Variants in SOX6 observed in about 807,000 individuals in gnomAD.
SOX6 encodes transcription factor SOX-6.
SOX6 carries 11 observed loss-of-function variants against 97.8 expected under a neutral mutation model. That is an observed-to-expected ratio of 0.11 (90% CI 0.07 to 0.19). SOX6 has a LOEUF of 0.19. Among genes scored for constraint, SOX6 ranks in the 10% least tolerant of loss-of-function variants. SOX6 has a pLI of 1.00. For synonymous variants in SOX6, 360 were observed against 371.4 expected, an observed-to-expected ratio of 0.97 and a Z score of 0.35; for missense variants, 810 against 1,039.5, an observed-to-expected ratio of 0.78 and a Z score of 3.04.
Position 16,637,535 on chromosome 11 carries a change from A to T in SOX6, n.430-25275T>A, listed in dbSNP as rs188676922. ...CACCCAGCTTTTCAATAGTTTCAAA[A>T]TAAATTTATTAAACTATAAATTTCC... On this transcript the variant is annotated intron_variant and non_coding_transcript_variant, in intron 3 of 5. Transcript: ENST00000524520. 1.6e-3 allele frequency among the ~76,000 whole-genome samples: 245 copies of T among 152,302 alleles called. 1 individual carries two copies. Among genetic ancestry groups the T allele is most frequent in the Non-Finnish European group, 2.6e-3 (178 of 68,024 alleles).
chr11:16,053,290 C>A (rs529352748), intron 10 of SOX6, among the ~76,000 whole-genome samples: 2 of 152,202 alleles, frequency 1.3e-5, no homozygotes, highest in Non-Finnish European at 2.9e-5. Context: ...ACAATTTTGT[C>A]CTGAGTTTTA....
intron 13 of SOX6, among the ~76,000 whole-genome samples, chr11:15,989,541 TTCTTCAAAAACATGC>T (rs1344823568): frequency 1.3e-5 from 2 of 152,172 alleles, no homozygotes; most frequent in African/African-American, 4.8e-5. Flanking sequence ...TGTAATTCCT[TTCTTCAAAAACATGC>T]TCTTACTGGT....
At chr11:16,580,684 T>C (rs1422313986) in intron 4 of SOX6, among the ~76,000 whole-genome samples, 1 of 151,510 alleles carries the variant, frequency 6.6e-6, no homozygotes, top group East Asian at 1.9e-4. Context: ...TGGGAGAAAA[T>C]TTTTTCAATC....
In SOX6 at chr11:16,055,926, T is replaced by C. The variant is rs367657425; in HGVS notation, c.1102-25A>G. The C allele has an allele frequency of 5.6e-6, 9 of 1,612,490 alleles. No homozygotes were observed. In the African/African-American group the frequency reaches 1.1e-4, roughly 19 times the overall value. On this transcript the variant is annotated intron_variant, in intron 9 of 15. Coordinates refer to ENST00000683767, the MANE Select transcript of SOX6 (RefSeq NM_001367873.1). ...GCTGCAAAACAGGGAAGACAAACAT[T>C]GATCTCTTTAAATGCAGCTGAAATT...
intron 3 of SOX6, among the ~76,000 whole-genome samples, chr11:16,250,764 T>G (rs1476445130): frequency 2.0e-5 from 3 of 152,044 alleles, no homozygotes; most frequent in African/African-American, 7.2e-5. Flanking sequence ...CTCAATAGAA[T>G]AAGAGAAAAA....
chr11:16,703,511 A>G (rs999893464), intron 3 of SOX6, among the ~76,000 whole-genome samples: 1 of 152,192 alleles, frequency 6.6e-6, no homozygotes, highest in Non-Finnish European at 1.5e-5. Context: ...TTACAAAGAC[A>G]GTTTTTGCTT....
At chr11:16,127,190 T>C (rs908423383) in intron 6 of SOX6, among the ~76,000 whole-genome samples, 15 of 151,910 alleles carry the variant, frequency 9.9e-5, no homozygotes, top group Admixed American at 3.3e-4. Flanking sequence ...CCTAATTTTA[T>C]AAAATAAATA....
chr11:16,145,755 C>A (rs1245530056), intron 6 of SOX6, among the ~76,000 whole-genome samples: 1 of 152,126 alleles, frequency 6.6e-6, no homozygotes, highest in African/African-American at 2.4e-5. Context: ...TTCACAATTG[C>A]TTCAAAGAGA....
chr11:16,343,325 T>C (rs1302515247), intron 1 of SOX6, among the ~76,000 whole-genome samples: 2 of 151,948 alleles, frequency 1.3e-5, no homozygotes, highest in Non-Finnish European at 2.9e-5. Flanking sequence ...CAATTGAAAG[T>C]CATGATCCAA....
At chr11:16,306,617 T>TTTTTTTTC (rs1855443690) in intron 3 of SOX6, among the ~76,000 whole-genome samples, 2 of 142,410 alleles carry the variant, frequency 1.4e-5, no homozygotes, top group South Asian at 4.8e-4. Flanking sequence ...ATTTCTTTTT[T>TTTTTTTTC]TTTTTTTTTC....
chr11:16,021,125 C>T (rs1278884943), intron 12 of SOX6, among the ~76,000 whole-genome samples: 1 of 152,138 alleles, frequency 6.6e-6, no homozygotes, highest in African/African-American at 2.4e-5. Flanking sequence ...GGAATTTCTG[C>T]AGATTAATAC....
chr11:16,611,043 C>A (rs1848391254), intron 4 of SOX6, among the ~76,000 whole-genome samples: 1 of 152,222 alleles, frequency 6.6e-6, no homozygotes, highest in African/African-American at 2.4e-5. Flanking sequence ...GACTTACCTG[C>A]CCGCAGCAGT....
In SOX6 at chr11:16,341,036, G is replaced by A. The variant is rs746454984; in HGVS notation, c.213C>T (p.Ser71=). The change falls in exon 2 of 16, where the codon AGC becomes AGT. Residue 71 remains serine, a synonymous_variant. Coordinates refer to ENST00000683767, the MANE Select transcript of SOX6 (RefSeq NM_001367873.1). The stretch of plus-strand genomic sequence containing the variant: ...CCATTCTTTGCTGAGATGACAGAAC[G>A]CTGTCCCAGTCAGCATCTTGTTGAA... ...STIQQDADWD[S]VLSSQQRMES... 1.2e-5 allele frequency: 20 copies of A among 1,613,186 alleles called. No individual in the cohort carries two copies. Among genetic ancestry groups the A allele is most frequent in the East Asian group, 2.2e-5 (1 of 44,848 alleles).
intron 11 of SOX6, among the ~76,000 whole-genome samples, chr11:16,049,267 A>G (rs1341928010): frequency 3.9e-5 from 6 of 152,184 alleles, no homozygotes; most frequent in Non-Finnish European, 7.3e-5. Context: ...GGAGCCAGAC[A>G]TTATGACATC....
chr11:16,186,656 CA>C, intron 5 of SOX6, 126 bp downstream of exon 5: 1 of 1,037,048 alleles, frequency 9.6e-7, no homozygotes, highest in Non-Finnish European at 1.3e-6. Context: ...TTTTTTTTTC[CA>C]TCTTTTCTTA....
intron 4 of SOX6, among the ~76,000 whole-genome samples, chr11:16,563,703 G>C (rs1847839377): frequency 6.6e-6 from 1 of 152,048 alleles, no homozygotes; most frequent in South Asian, 2.1e-4. Context: ...TGTACTCAAA[G>C]GAATAATAAT....
At chr11:16,694,994 A>G (rs745768273) in intron 3 of SOX6, among the ~76,000 whole-genome samples, 6 of 152,244 alleles carry the variant, frequency 3.9e-5, no homozygotes, top group Non-Finnish European at 7.3e-5. Context: ...GGATGTGCAT[A>G]GGTTATATGC....
intron 4 of SOX6, among the ~76,000 whole-genome samples, chr11:16,514,049 C>A (rs981515061): frequency 6.6e-6 from 1 of 151,592 alleles, no homozygotes; most frequent in African/African-American, 2.4e-5. Flanking sequence ...TCCGTCTCTA[C>A]AAAAAAATTA....
intron 4 of SOX6, among the ~76,000 whole-genome samples, chr11:16,481,915 T>C (rs1860350339): frequency 6.6e-6 from 1 of 151,930 alleles, no homozygotes; most frequent in South Asian, 2.1e-4. Flanking sequence ...CATAGTATTA[T>C]AAAGTATTTT....
Sources: gnomAD v4.1 joint callset for allele counts (sites outside exome capture counted in the v4.1 genomes callset) on GRCh38, gnomAD v4.1.1 for gene constraint, MANE v1.5 for transcripts, NCBI Gene and HGNC (gene_info 2026-07-23, HGNC 2026-07-21) for gene names.